Variants in KIRREL3 observed in about 807,000 individuals in gnomAD.
KIRREL3 encodes kirre like nephrin family adhesion molecule 3, also known as kin of IRRE-like protein 3.
KIRREL3 carries 36 observed loss-of-function variants against 89.7 expected under a neutral mutation model. The ratio of observed to expected loss-of-function variants is 0.40; its 90% CI spans 0.31 to 0.53. The LOEUF (loss-of-function observed/expected upper bound fraction) is 0.53, where lower values mean the gene tolerates loss of function less well. Ranked by LOEUF, KIRREL3 falls within the 20% of genes least tolerant of loss-of-function variation. The pLI is 0.49. For missense variants in KIRREL3, 864 were observed against 1,056.6 expected (o/e 0.82, Z 2.53); for synonymous variants, 445 against 441.4 (o/e 1.01, Z -0.10).
intron 1 of KIRREL3, among the ~76,000 whole-genome samples, chr11:126,621,169 A>T (rs149613687): frequency 1.3e-5 from 2 of 152,364 alleles, no homozygotes; most frequent in East Asian, 3.9e-4. Flanking sequence ...TACTGCTAAG[A>T]TGTAGCTACT....
At chr11:126,460,171 T>C (rs931261346) in intron 6 of KIRREL3, among the ~76,000 whole-genome samples, 2 of 152,110 alleles carry the variant, frequency 1.3e-5, no homozygotes, top group African/African-American at 4.8e-5. Context: ...GGCAAGCACA[T>C]ACAAGCACCT....
rs1050248093 is a variant in KIRREL3, at chr11:126,647,147, G to C, written c.56-84235C>G. On this transcript the variant is annotated intron_variant, in intron 1 of 16. Coordinates refer to ENST00000525144, the MANE Select transcript of KIRREL3 (RefSeq NM_032531.4). This position sits in a 1 kb window ranked among gnomAD's most constrained non-coding sequence, Gnocchi z 4.9. ...GGCACTTTTCTAGGCAAGTCTGATG[G>C]GGACCTCAGCATGGACAGCATTTCA... Among the ~76,000 whole-genome samples, 13 of 152,256 alleles carry C rather than the reference G, an allele frequency of 8.5e-5. No homozygotes were observed. The highest frequency in any genetic ancestry group is 2.4e-4 in the African/African-American group (10 of 41,528).
chr11:126,966,915 T>A (rs1319126836), intron 1 of KIRREL3, among the ~76,000 whole-genome samples: 1 of 152,074 alleles, frequency 6.6e-6, no homozygotes, highest in East Asian at 1.9e-4. Context: ...TCCACAGAAA[T>A]CTGTAAATTA....
At chr11:126,941,691 A>C (rs1948451930) in intron 1 of KIRREL3, among the ~76,000 whole-genome samples, 1 of 152,212 alleles carries the variant, frequency 6.6e-6, no homozygotes, top group African/African-American at 2.4e-5. Context: ...GGAATAGTAC[A>C]AAATACTTGC....
rs746645182 is a variant in KIRREL3, at chr11:126,610,213, G to A, written c.56-47301C>T. ...TCAAGCGATTCTCCTGCCTCAGCCT[G>A]CCGAGTGGCTGGGATTACAGGCATG... is the stretch of plus-strand genomic sequence containing the variant. On this transcript the variant is annotated intron_variant, in intron 1 of 16. Transcript: ENST00000525144. The surrounding 1 kb of genome is among the most constrained non-coding windows in gnomAD (Gnocchi z 4.6). Among the ~76,000 whole-genome samples, 2 of 151,914 alleles carry A rather than the reference G, an allele frequency of 1.3e-5. No homozygotes were observed. Among genetic ancestry groups the A allele is most frequent in the African/African-American group, 2.4e-5 (1 of 41,334 alleles).
At chr11:126,435,111 C>T (rs544890574) in intron 13 of KIRREL3, among the ~76,000 whole-genome samples, 157 bp downstream of exon 13, 11 of 152,014 alleles carry the variant, frequency 7.2e-5, no homozygotes, top group Admixed American at 1.3e-4. Context: ...ACCTCCTCTC[C>T]CCACTGCTTT....
intron 1 of KIRREL3, among the ~76,000 whole-genome samples, chr11:126,630,595 C>T (rs923638941): frequency 6.6e-6 from 1 of 152,144 alleles, no homozygotes; most frequent in African/African-American, 2.4e-5. Context: ...TTTTCCTTAT[C>T]CAGCAATGAC....
chr11:126,599,248 G>A (rs1035488398), intron 1 of KIRREL3, among the ~76,000 whole-genome samples: 2 of 152,182 alleles, frequency 1.3e-5, no homozygotes, highest in African/African-American at 4.8e-5. Flanking sequence ...CCAGAAGCAG[G>A]AGTCTGCACA....
intron 1 of KIRREL3, among the ~76,000 whole-genome samples, chr11:126,854,792 C>A (rs1343606763): frequency 6.6e-6 from 1 of 152,106 alleles, no homozygotes; most frequent in Non-Finnish European, 1.5e-5. Flanking sequence ...TTTTGAGGAA[C>A]CTCCATATTG....
rs1471727994 is a variant in KIRREL3, at chr11:126,484,181, G to A, written c.434-10715C>T. Among the ~76,000 whole-genome samples, 1 of 152,122 alleles carries A rather than the reference G, an allele frequency of 6.6e-6. No homozygotes were observed. The highest frequency in any genetic ancestry group is 1.5e-5 in the Non-Finnish European group (1 of 68,012). ...TGAATTAGAAGCCCCCTCCCCACCT[G>A]AGCACCTCTTACACTGGTCCTCACC... On this transcript the variant is annotated intron_variant, in intron 4 of 16. Transcript: ENST00000525144. This position sits in a 1 kb window ranked among gnomAD's most constrained non-coding sequence, Gnocchi z 5.2.
At chr11:126,600,179 CCAGTGG>C (rs1942590453) in intron 1 of KIRREL3, among the ~76,000 whole-genome samples, 1 of 152,152 alleles carries the variant, frequency 6.6e-6, no homozygotes, top group Non-Finnish European at 1.5e-5. Flanking sequence ...TAGCCAGTAT[CCAGTGG>C]GCAAATGAGG....
chr11:126,430,995 G>A lies in KIRREL3; in HGVS notation c.1696+424C>T, dbSNP rs1955107163. 7 of 1,124,142 alleles carry A rather than the reference G, an allele frequency of 6.2e-6. No homozygotes were observed. The highest frequency in any genetic ancestry group is 7.6e-6 in the Non-Finnish European group (7 of 918,810). 69.6% of individuals were successfully genotyped at this position (1,124,142 alleles called of 1,614,324 possible). On this transcript the variant is annotated intron_variant, in intron 14 of 16. Coordinates refer to ENST00000525144, the MANE Select transcript of KIRREL3 (RefSeq NM_032531.4). The surrounding 1 kb of genome is among the most constrained non-coding windows in gnomAD (Gnocchi z 6.6). ...CTTCCCCACCCACTCCCCCACAGCT[G>A]TGTGAGTGACCTGCTTTTCTGGTGA... is the stretch of plus-strand genomic sequence containing the variant.
chr11:126,756,995 G>A lies in KIRREL3; in HGVS notation c.56-194083C>T, dbSNP rs187839846. On this transcript the variant is annotated intron_variant, in intron 1 of 16. Transcript: ENST00000525144. ...CAGGGGTCTGTCTTCCAACAAATGC[G>A]GCTCCAATTCTCACATTTTTATATG... Among the ~76,000 whole-genome samples the A allele has an allele frequency of 4.1e-3, 629 of 151,922 alleles. 3 individuals carry two copies. The highest frequency in any genetic ancestry group is 0.015 in the African/African-American group (601 of 41,412).
Position 126,537,765 on chromosome 11 carries a change from G to A in KIRREL3, c.134-11078C>T, listed in dbSNP as rs534805576. On this transcript the variant is annotated intron_variant, in intron 2 of 16. Transcript: ENST00000525144. This position sits in a 1 kb window ranked among gnomAD's most constrained non-coding sequence, Gnocchi z 4.3. ...GGCAAAGCTGCTGTGAGCATGAGAG[G>A]TTTTATATGTAAATGATCTTGGTAG... Among the ~76,000 whole-genome samples the A allele has an allele frequency of 6.6e-6, 1 of 152,320 alleles. No individual in the cohort carries two copies. The highest frequency in any genetic ancestry group is 2.4e-5 in the African/African-American group (1 of 41,568).
chr11:126,905,272 G>T lies in KIRREL3; in HGVS notation c.55+95183C>A, dbSNP rs1946532917. Among the ~76,000 whole-genome samples, 1 of 152,054 alleles carries T rather than the reference G, an allele frequency of 6.6e-6. No individual in the cohort carries two copies. The highest frequency in any genetic ancestry group is 1.5e-5 in the Non-Finnish European group (1 of 68,026). ...GGTGATATTTTTTAGTGAAGGAGATGCTTCCGGGGGGAGCTGCAAGCTGAG... is the reference window on the plus strand; with the variant it reads ...GGTGATATTTTTTAGTGAAGGAGATTCTTCCGGGGGGAGCTGCAAGCTGAG... On this transcript the variant is annotated intron_variant, in intron 1 of 16. Transcript: ENST00000525144. The surrounding 1 kb of genome is among the most constrained non-coding windows in gnomAD (Gnocchi z 5.0).
rs568526804 is a variant in KIRREL3 at position 126,635,159 on chromosome 11, G to A, written c.56-72247C>T. 2.6e-5 allele frequency among the ~76,000 whole-genome samples: 4 copies of A among 152,352 alleles called. No homozygotes were observed. Among genetic ancestry groups the A allele is most frequent in the South Asian group, 4.1e-4 (2 of 4,830 alleles). On this transcript the variant is annotated intron_variant, in intron 1 of 16. Coordinates refer to ENST00000525144, the MANE Select transcript of KIRREL3 (RefSeq NM_032531.4). The surrounding 1 kb of genome is among the most constrained non-coding windows in gnomAD (Gnocchi z 4.0). The stretch of plus-strand genomic sequence containing the variant: ...CTTGAACCCAACAAAAGGGTCTGCA[G>A]TGAGGCAGGGCTGGACAGCTCCACC...
Position 126,991,596 on chromosome 11 carries a change from G to A in KIRREL3, c.55+8859C>T, listed in dbSNP as rs373610550. Among the ~76,000 whole-genome samples, 24 of 152,064 alleles carry A rather than the reference G, an allele frequency of 1.6e-4. No homozygotes were observed. The highest frequency in any genetic ancestry group is 4.1e-4 in the African/African-American group (17 of 41,402). ...ATTTCCTCTGGAAACTTTGTACCCCGAGGTAAAACTGAATGCCAGAAAGAT... is the reference window on the plus strand; with the variant it reads ...ATTTCCTCTGGAAACTTTGTACCCCAAGGTAAAACTGAATGCCAGAAAGAT... On this transcript the variant is annotated intron_variant, in intron 1 of 16. Coordinates refer to ENST00000525144, the MANE Select transcript of KIRREL3 (RefSeq NM_032531.4). The surrounding 1 kb of genome is among the most constrained non-coding windows in gnomAD (Gnocchi z 5.8).
chr11:126,585,326 C>G (rs1941779888), intron 1 of KIRREL3, among the ~76,000 whole-genome samples: 1 of 147,606 alleles, frequency 6.8e-6, no homozygotes, highest in Non-Finnish European at 1.5e-5. Flanking sequence ...CTCTGCCTCC[C>G]TGATTCAAGT....
At chr11:126,467,023 G>T (rs952635546) in intron 5 of KIRREL3, among the ~76,000 whole-genome samples, 6 of 152,252 alleles carry the variant, frequency 3.9e-5, no homozygotes, top group Non-Finnish European at 8.8e-5. Flanking sequence ...CCCAGCTCCT[G>T]TGTGTGCAGA....
Sources: allele counts gnomAD v4.1 joint callset (sites outside exome capture counted in the v4.1 genomes callset), GRCh38; gene constraint gnomAD v4.1.1; non-coding constraint Gnocchi (gnomAD v3.1); transcripts MANE v1.5; gene names NCBI Gene and HGNC (gene_info 2026-07-23, HGNC 2026-07-21).